KCNH1: variants seen among roughly 807,000 people sequenced by gnomAD.
KCNH1 encodes potassium voltage-gated channel subfamily H member 1, also known as voltage-gated delayed rectifier potassium channel KCNH1.
In KCNH1, 27 loss-of-function variants were observed where a neutral mutation model predicts 69.2. That is an observed-to-expected ratio of 0.39 (90% confidence interval 0.29 to 0.54). The LOEUF (loss-of-function observed/expected upper bound fraction) is 0.54, where lower values mean the gene tolerates loss of function less well. Ranked by LOEUF, KCNH1 falls within the 20% of genes least tolerant of loss-of-function variation. The pLI, the probability that KCNH1 is intolerant of heterozygous loss-of-function variation, is 0.68. For synonymous variants in KCNH1, 456 were observed against 487.7 expected (o/e 0.93, Z 0.86); for missense variants, 798 against 1,261.6 (o/e 0.63, Z 5.57).
At chr1:210,995,298 T>C (rs868813006) in intron 6 of KCNH1, among the ~76,000 whole-genome samples, 7 of 152,236 alleles carry the variant, frequency 4.6e-5, no homozygotes, top group Non-Finnish European at 1.5e-5. Flanking sequence ...TGACTAGAAC[T>C]GGAGCAGCCA....
intron 7 of KCNH1, chr1:210,860,119 C>T (rs1298956299): frequency 1.3e-5 from 15 of 1,175,064 alleles, no homozygotes; most frequent in African/African-American, 4.5e-5. Context: ...ATCTTTTGTG[C>T]ACATACTGTA....
At chr1:210,884,874 G>T (rs1041397406) in intron 7 of KCNH1, among the ~76,000 whole-genome samples, 2 of 152,206 alleles carry the variant, frequency 1.3e-5, no homozygotes, top group Non-Finnish European at 2.9e-5. Context: ...GAGACACCAG[G>T]CAGAGAGAAA....
At chr1:210,951,474 C>T (rs1688060727) in intron 6 of KCNH1, among the ~76,000 whole-genome samples, 2 of 152,152 alleles carry the variant, frequency 1.3e-5, no homozygotes, top group South Asian at 4.1e-4. Context: ...GATCGCACTC[C>T]TCTGGCGTTT....
In KCNH1 at chr1:211,133,794, G is replaced by A. The variant is rs1175036773; in HGVS notation, c.79+73C>T. ...GGGTTCTGCTGCATCTGCTGGCTCC[G>A]AGCGGCGAGAGGTTCTGCAATAAAG... On this transcript the variant is annotated intron_variant, in intron 1 of 10. Transcript: ENST00000271751. This position sits in a 1 kb window ranked among gnomAD's most constrained non-coding sequence, Gnocchi z 5.4. 2.9e-6 allele frequency: 4 copies of A among 1,390,172 alleles called. No individual in the cohort carries two copies. The highest frequency in any genetic ancestry group is 3.5e-5 in the Admixed American group (2 of 56,874). 86.1% of individuals were successfully genotyped at this position (1,390,172 alleles called of 1,614,324 possible).
At chr1:210,817,331 G>C (rs886792162) in intron 7 of KCNH1, among the ~76,000 whole-genome samples, 1 of 152,094 alleles carries the variant, frequency 6.6e-6, no homozygotes, top group Non-Finnish European at 1.5e-5. Context: ...GGCATAGAAG[G>C]CCCAAATATT....
At position 210,911,662 on chromosome 1, in the gene KCNH1, T is replaced by C. The variant is rs569837319; in HGVS notation, c.1462+7978A>G. 1.1e-4 allele frequency among the ~76,000 whole-genome samples: 17 copies of C among 151,992 alleles called. No individual in the cohort carries two copies. The East Asian group carries it at 2.7e-3, about 24-fold the overall frequency. ...AAAAAAAAAAGAAGGAAAGGGATTT[T>C]TCAAATATTGTGGGTACCTATAAGA... On this transcript the variant is annotated intron_variant, in intron 7 of 10. Transcript: ENST00000271751.
chr1:211,039,880 T>G (rs1251509839), intron 5 of KCNH1, among the ~76,000 whole-genome samples: 1 of 151,958 alleles, frequency 6.6e-6, no homozygotes, highest in Non-Finnish European at 1.5e-5. Context: ...GACTTTTGGG[T>G]TAATGCTGAA....
chr1:210,995,408 A>C (rs1428748233), intron 6 of KCNH1, among the ~76,000 whole-genome samples: 2 of 152,180 alleles, frequency 1.3e-5, no homozygotes, highest in African/African-American at 4.8e-5. Context: ...AATGGATTCT[A>C]ATGCTGTGGG....
intron 7 of KCNH1, among the ~76,000 whole-genome samples, chr1:210,865,731 A>G (rs1438300708): frequency 1.3e-5 from 2 of 152,244 alleles, no homozygotes; most frequent in Non-Finnish European, 2.9e-5. Context: ...TTTCCAAAGT[A>G]GGGAGAAAGG....
rs531718475 is a variant in KCNH1, at chr1:210,877,604, C to T, written c.1462+42036G>A. Among the ~76,000 whole-genome samples, 4 of 152,298 alleles carry T rather than the reference C, an allele frequency of 2.6e-5. No homozygotes were observed. The South Asian group carries it at 8.3e-4, about 32-fold the overall frequency. On this transcript the variant is annotated intron_variant, in intron 7 of 10. Transcript: ENST00000271751. ...CTGCTCCCATTTTCACTGCACTATT[C>T]CATACAATTTATTCAATCCATTTAT...
At chr1:210,879,169 C>A (rs993602177) in intron 7 of KCNH1, among the ~76,000 whole-genome samples, 2 of 152,022 alleles carry the variant, frequency 1.3e-5, no homozygotes, top group Non-Finnish European at 2.9e-5. Flanking sequence ...GATAGGTCCA[C>A]CAGTGAACTC....
rs985502243 is a variant in KCNH1, at chr1:211,018,842, G to A, written c.973C>T (p.Pro325Ser). The change falls in exon 6 of 11, where the codon CCA becomes TCA. Residue 325 changes from proline to serine, a missense_variant. By Grantham distance (74) the Pro-to-Ser change is moderately conservative (BLOSUM62 -1). This residue lies in a region of KCNH1 where 266 missense variants were observed against 457.2 expected (regional missense o/e 0.58). Coordinates refer to ENST00000271751, the MANE Select transcript of KCNH1 (RefSeq NM_172362.3). ...VDEVSAFMGD[P>S]GKIGFADQIP... ...TGATCAGCAAAACCAATCTTCCCTG[G>A]ATCACCCATAAAGGCACTAACCTCA... The A allele has an allele frequency of 1.2e-6, 2 of 1,613,714 alleles. No individual in the cohort carries two copies. Among genetic ancestry groups the A allele is most frequent in the African/African-American group, 1.3e-5 (1 of 74,844 alleles).
At chr1:210,963,578 A>G (rs902400496) in intron 6 of KCNH1, among the ~76,000 whole-genome samples, 2 of 152,096 alleles carry the variant, frequency 1.3e-5, no homozygotes, top group African/African-American at 4.8e-5. Flanking sequence ...TAGAACAACC[A>G]GTTTATAGAA....
intron 10 of KCNH1, among the ~76,000 whole-genome samples, chr1:210,744,249 A>AGTCT (rs1683098128): frequency 6.6e-6 from 1 of 152,222 alleles, no homozygotes; most frequent in Non-Finnish European, 1.5e-5. Flanking sequence ...GGCCCATGTA[A>AGTCT]GTCTATTCCT....
At chr1:211,041,508 C>T (rs1341152854) in intron 5 of KCNH1, among the ~76,000 whole-genome samples, 1 of 152,204 alleles carries the variant, frequency 6.6e-6, no homozygotes, top group African/African-American at 2.4e-5. Context: ...TCCTGTCTCA[C>T]AACAGCATGG....
rs570954491 is a variant in KCNH1 at position 210,959,271 on chromosome 1, T to C, written c.1033-39202A>G. 1.6e-4 allele frequency among the ~76,000 whole-genome samples: 24 copies of C among 152,262 alleles called. No individual in the cohort carries two copies. In the East Asian group the frequency reaches 2.5e-3, roughly 16 times the overall value. On this transcript the variant is annotated intron_variant, in intron 6 of 10. Coordinates refer to ENST00000271751, the MANE Select transcript of KCNH1 (RefSeq NM_172362.3). Reference sequence around the variant, plus strand: ...CTGCAGAACAGCAAATATTGCTGCCTGATCCCTCCTCTGGAAGCTTTGTCC... The same window carrying C: ...CTGCAGAACAGCAAATATTGCTGCCCGATCCCTCCTCTGGAAGCTTTGTCC...
chr1:210,703,780 C>G (rs1413994368), intron 10 of KCNH1, among the ~76,000 whole-genome samples: 1 of 152,176 alleles, frequency 6.6e-6, no homozygotes, highest in Admixed American at 6.5e-5. Flanking sequence ...AACACCTGAT[C>G]TTTGAGGGAC....
At chr1:210,690,979 C>G (rs557840535) in intron 10 of KCNH1, among the ~76,000 whole-genome samples, 2 of 152,208 alleles carry the variant, frequency 1.3e-5, no homozygotes, top group Non-Finnish European at 2.9e-5. Context: ...GGCATGTGCA[C>G]ACGCTTTGGA....
chr1:210,744,195 T>G (rs910028262), intron 10 of KCNH1, among the ~76,000 whole-genome samples: 2 of 152,194 alleles, frequency 1.3e-5, no homozygotes, highest in African/African-American at 2.4e-5. Context: ...GCACCCCTGA[T>G]GAGATAATGA....
Sources: allele counts gnomAD v4.1 joint callset (sites outside exome capture counted in the v4.1 genomes callset), GRCh38; gene constraint gnomAD v4.1.1; regional missense constraint gnomAD v4.1.1; non-coding constraint Gnocchi (gnomAD v3.1); transcripts MANE v1.5; gene names NCBI Gene and HGNC (gene_info 2026-07-23, HGNC 2026-07-21).